TENM1: variants seen among roughly 807,000 people sequenced by gnomAD.
TENM1 encodes the protein teneurin transmembrane protein 1.
A neutral mutation model predicts 174.8 loss-of-function variants in TENM1; 35 were observed. That is an observed-to-expected ratio of 0.20 (90% confidence interval 0.15 to 0.27). The LOEUF (loss-of-function observed/expected upper bound fraction) is 0.27. Among genes scored for constraint, TENM1 ranks in the 10% least tolerant of loss-of-function variants. The pLI is 1.00. For missense variants in TENM1, 1,633 were observed against 2,130.1 expected (o/e 0.77, Z 4.59); for synonymous variants, 781 against 798.7 (o/e 0.98, Z 0.37).
the TENM1 span, among the ~76,000 whole-genome samples, chrX:125,126,542 G>C: frequency 9.0e-6 from 1 of 111,080 alleles, no homozygotes; most frequent in Non-Finnish European, 1.9e-5. Context: ...AGTACCAAGG[G>C]GGGAACATTA....
chrX:124,934,905 A>G (rs1290818061), intron 1 of TENM1, among the ~76,000 whole-genome samples: 1 of 110,752 alleles, frequency 9.0e-6, no homozygotes, highest in East Asian at 2.8e-4. Flanking sequence ...GTTTAATTGT[A>G]TAGGTATCAC....
the TENM1 span, among the ~76,000 whole-genome samples, chrX:125,165,321 C>A: frequency 1.8e-5 from 2 of 111,698 alleles, no homozygotes; most frequent in South Asian, 7.5e-4. Context: ...AGCCACTATA[C>A]CCCTGATTCA....
intron 18 of TENM1, among the ~76,000 whole-genome samples, chrX:124,505,021 C>T (rs2148001609): frequency 8.9e-6 from 1 of 112,252 alleles, no homozygotes; most frequent in South Asian, 3.7e-4. Flanking sequence ...AGGCTGGCTT[C>T]TCTTTGTCCT....
chrX:124,693,025 G>GA (rs1196312277), intron 5 of TENM1, among the ~76,000 whole-genome samples: 855 of 82,126 alleles, frequency 0.01, 8 homozygotes, highest in African/African-American at 0.036. Context: ...AAAAAAAAAA[G>GA]AAAAAAAAAA....
chrX:124,467,098 C>G (rs1324823652), intron 22 of TENM1, among the ~76,000 whole-genome samples: 3 of 111,359 alleles, frequency 2.7e-5, no homozygotes, highest in Non-Finnish European at 5.6e-5. Flanking sequence ...CCTTTTCCCC[C>G]AAACCCATTA....
the TENM1 span, among the ~76,000 whole-genome samples, chrX:124,991,127 G>A: frequency 9.0e-6 from 1 of 111,297 alleles, no homozygotes; most frequent in Non-Finnish European, 1.9e-5. Flanking sequence ...CTGATATCCT[G>A]CCATGTTGGG....
rs779011153 is a variant in TENM1, at chrX:124,450,316, C to T, written c.4104+3021G>A. On this transcript the variant is annotated intron_variant, in intron 23 of 31. Transcript: ENST00000422452. Reference sequence around the variant, plus strand: ...CGGAGCTTGCAGTGAGCCGAGATTGCGCCACTGCACTCCCGCCTGGGCCAC... The same window carrying T: ...CGGAGCTTGCAGTGAGCCGAGATTGTGCCACTGCACTCCCGCCTGGGCCAC... Among the ~76,000 whole-genome samples the T allele has an allele frequency of 1.5e-3, 162 of 104,924 alleles. 2 individuals are homozygous for T. The highest frequency in any genetic ancestry group is 4.9e-3 in the Middle Eastern group (1 of 204). The allele number at this position is 104,924 out of a possible 115,157, so 91.1% of individuals were successfully genotyped here.
At chrX:124,922,762 T>G (rs2058041976) in intron 1 of TENM1, among the ~76,000 whole-genome samples, 1 of 111,409 alleles carries the variant, frequency 9.0e-6, no homozygotes. Flanking sequence ...TTAAATAATT[T>G]TAAAATTTTC....
chrX:124,428,076 A>G (rs2060738426), intron 23 of TENM1, among the ~76,000 whole-genome samples: 1 of 111,994 alleles, frequency 8.9e-6, no homozygotes, highest in South Asian at 3.7e-4. Flanking sequence ...AAATACATTA[A>G]TTTGTTTGAA....
chrX:124,841,744 C>A (rs997772872), intron 3 of TENM1, among the ~76,000 whole-genome samples: 1 of 111,454 alleles, frequency 9.0e-6, no homozygotes, highest in Non-Finnish European at 1.9e-5. Flanking sequence ...CTCAGATGCT[C>A]TCAAACCACT....
chrX:124,990,099 A>T, the TENM1 span, among the ~76,000 whole-genome samples: 1 of 111,783 alleles, frequency 8.9e-6, no homozygotes, highest in East Asian at 2.8e-4. Context: ...GACCTCTTAA[A>T]GAAACATTTG....
the TENM1 span, among the ~76,000 whole-genome samples, chrX:125,127,488 G>A: frequency 9.9e-5 from 11 of 111,475 alleles, no homozygotes; most frequent in Non-Finnish European, 1.3e-4. Flanking sequence ...AACTTAGCTA[G>A]AATTAGGATA....
intron 3 of TENM1, among the ~76,000 whole-genome samples, chrX:124,856,314 G>C (rs772099494): frequency 5.8e-4 from 64 of 110,934 alleles, no homozygotes; most frequent in Middle Eastern, 9.3e-3. Flanking sequence ...TTAAAATACA[G>C]AGGGAAAGGT....
chrX:124,648,262 TA>T (rs1197331005), intron 8 of TENM1, among the ~76,000 whole-genome samples: 1 of 112,305 alleles, frequency 8.9e-6, no homozygotes, highest in Non-Finnish European at 1.9e-5. Flanking sequence ...TTGAGAAGAA[TA>T]AAAACAAGAA....
At chrX:124,417,546 G>T (rs936428669) in intron 25 of TENM1, among the ~76,000 whole-genome samples, 1 of 111,086 alleles carries the variant, frequency 9.0e-6, no homozygotes, top group African/African-American at 3.3e-5. Flanking sequence ...GTGCTTCATG[G>T]TCAGTCTTCA....
chrX:125,173,032 C>T, the TENM1 span, among the ~76,000 whole-genome samples: 11 of 111,022 alleles, frequency 9.9e-5, no homozygotes, highest in African/African-American at 3.6e-4. Context: ...TTTAAGTATC[C>T]CCATTTAATT....
At chrX:124,764,848 CCACACTGCAA>C (rs1298347659) in intron 3 of TENM1, among the ~76,000 whole-genome samples, 1 of 110,798 alleles carries the variant, frequency 9.0e-6, no homozygotes, top group African/African-American at 3.3e-5. Context: ...TGTCCTGCAG[CCACACTGCAA>C]CATTTGCCAT....
the TENM1 span, among the ~76,000 whole-genome samples, chrX:125,034,460 T>G: frequency 9.0e-6 from 1 of 111,361 alleles, no homozygotes; most frequent in East Asian, 2.8e-4. Flanking sequence ...AAAATTTTGA[T>G]CAAAGATCAC....
chrX:124,448,522 T>C (rs1428234262), intron 23 of TENM1, among the ~76,000 whole-genome samples: 1 of 111,844 alleles, frequency 8.9e-6, no homozygotes, highest in Non-Finnish European at 1.9e-5. Flanking sequence ...TTTCCCTTCT[T>C]AACGCTGTTA....
Sources: allele counts gnomAD v4.1 joint callset (sites outside exome capture counted in the v4.1 genomes callset), GRCh38; gene constraint gnomAD v4.1.1; transcripts MANE v1.5; gene names NCBI Gene and HGNC (gene_info 2026-07-23, HGNC 2026-07-21).